Variants in GBF1 observed in about 807,000 individuals in gnomAD.
GBF1 encodes the protein golgi brefeldin A resistant guanine nucleotide exchange factor 1, also known as Golgi-specific brefeldin A-resistance guanine nucleotide exchange factor 1.
GBF1 carries 114 observed loss-of-function variants against 210.5 expected under a neutral mutation model. That is an observed-to-expected ratio of 0.54 (90% CI 0.47 to 0.63). The LOEUF is 0.63. Ranked by LOEUF, GBF1 falls within the 30% of genes least tolerant of loss-of-function variation. GBF1 has a pLI of 0.00. For synonymous variants in GBF1, 850 were observed against 889.2 expected (o/e 0.96, Z 0.78); for missense variants, 1,851 against 2,357.7 (o/e 0.79, Z 4.45).
chr10:102,358,523 G>C lies in GBF1; in HGVS notation c.805G>C (p.Asp269His). 1.9e-6 allele frequency: 3 copies of C among 1,613,304 alleles called. No homozygotes were observed. Among genetic ancestry groups the C allele is most frequent in the Non-Finnish European group, 2.5e-6 (3 of 1,179,302 alleles). ...SNLTGGMPFI[D>H]VPTPISSASS... ...CTTGGCAGGTGGCATGCCCTTCATT[G>C]ATGTGCCCACTCCCATCTCCTCTGC... The change falls in exon 10 of 40, where the codon GAT (aspartate) becomes CAT (histidine). Residue 269 changes from aspartate to histidine, a missense_variant. Coordinates refer to ENST00000369983, the MANE Select transcript of GBF1 (RefSeq NM_001377137.1).
the GBF1 span, chr10:102,231,153 T>C: frequency 4.8e-6 from 7 of 1,457,176 alleles, no homozygotes; most frequent in Non-Finnish European, 6.3e-6. Flanking sequence ...TCCCAGCGGC[T>C]GAAGGGCGGG....
chr10:102,332,725 TCTA>T (rs1466626579), intron 3 of GBF1, among the ~76,000 whole-genome samples: 1 of 152,182 alleles, frequency 6.6e-6, no homozygotes, highest in African/African-American at 2.4e-5. Flanking sequence ...ACCATTATCT[TCTA>T]CTGCTGGCCC....
intron 3 of GBF1, among the ~76,000 whole-genome samples, chr10:102,301,749 C>T (rs1189693248): frequency 1.3e-5 from 2 of 151,982 alleles, no homozygotes; most frequent in African/African-American, 4.8e-5. Context: ...GACGGGATGG[C>T]GGCCGGGAAG....
chr10:102,253,035 C>T (rs186591118), intron 1 of GBF1, among the ~76,000 whole-genome samples: 272 of 152,230 alleles, frequency 1.8e-3, no homozygotes, highest in Non-Finnish European at 3.4e-3. Context: ...GCTGGGATTA[C>T]AGGCCCCTGC....
At chr10:102,253,066 T>G (rs1441644537) in intron 1 of GBF1, among the ~76,000 whole-genome samples, 1 of 152,058 alleles carries the variant, frequency 6.6e-6, no homozygotes, top group African/African-American at 2.4e-5. Flanking sequence ...AGCTAATTTT[T>G]GTATTTTTAG....
At chr10:102,250,194 T>G (rs1437256982) in intron 1 of GBF1, among the ~76,000 whole-genome samples, 4 of 152,112 alleles carry the variant, frequency 2.6e-5, no homozygotes, top group Non-Finnish European at 5.9e-5. Flanking sequence ...GCTAGTTGGA[T>G]AAGAATAATT....
At chr10:102,364,039 A>G (rs565998142) in intron 17 of GBF1, among the ~76,000 whole-genome samples, 1 of 152,180 alleles carries the variant, frequency 6.6e-6, no homozygotes, top group East Asian at 1.9e-4. Flanking sequence ...TTGAGAGCCA[A>G]GTGTCACTAG....
At chr10:102,380,758 A>G (rs907130907) in intron 38 of GBF1, 72 bp downstream of exon 38, 1 of 1,301,158 alleles carries the variant, frequency 7.7e-7, no homozygotes. Flanking sequence ...CTCTAATCCC[A>G]GCACTTTGAG....
At chr10:102,360,092 T>G in intron 11 of GBF1, 92 bp from the exon 12 acceptor site, 1 of 808,964 alleles carries the variant, frequency 1.2e-6, no homozygotes, top group Non-Finnish European at 2.2e-6. Context: ...ATCACTTACC[T>G]AAAATTGCCT....
chr10:102,366,570 TC>T lies in GBF1; in HGVS notation c.2433+66del. On this transcript the variant is annotated intron_variant, in intron 19 of 39. Coordinates refer to ENST00000369983, the MANE Select transcript of GBF1 (RefSeq NM_001377137.1). The surrounding 1 kb of genome is among the most constrained non-coding windows in gnomAD (Gnocchi z 4.0). Reference sequence around the variant, plus strand: ...GTCAGTTTGACTGAGGGCTGAAGAATCCAGCTGCTGTCTCTTTTTTTTTTTT... The same window carrying T: ...GTCAGTTTGACTGAGGGCTGAAGAATCAGCTGCTGTCTCTTTTTTTTTTTT... 8.5e-7 allele frequency: 1 copy of T among 1,183,058 alleles called. No individual in the cohort carries two copies. The highest frequency in any genetic ancestry group is 1.2e-6 in the Non-Finnish European group (1 of 823,078). 73.3% of individuals were successfully genotyped at this position (1,183,058 alleles called of 1,614,324 possible).
chr10:102,273,372 A>G (rs971324588), intron 3 of GBF1, among the ~76,000 whole-genome samples: 6 of 152,194 alleles, frequency 3.9e-5, no homozygotes, highest in Admixed American at 3.9e-4. Context: ...AAAAGAAATT[A>G]TCAGTGTATC....
At chr10:102,274,437 T>C (rs1386881951) in intron 3 of GBF1, among the ~76,000 whole-genome samples, 1 of 151,964 alleles carries the variant, frequency 6.6e-6, no homozygotes, top group Non-Finnish European at 1.5e-5. Flanking sequence ...AGTTGATTAG[T>C]CTATTAAAAA....
At chr10:102,301,520 C>G (rs1190637439) in intron 3 of GBF1, among the ~76,000 whole-genome samples, 1 of 152,036 alleles carries the variant, frequency 6.6e-6, no homozygotes, top group African/African-American at 2.4e-5. Flanking sequence ...GGGCGGCTGC[C>G]GGGCGGAGGG....
intron 3 of GBF1, among the ~76,000 whole-genome samples, chr10:102,307,817 A>C (rs1400042918): frequency 6.6e-6 from 1 of 152,074 alleles, no homozygotes; most frequent in Admixed American, 6.6e-5. Context: ...AAAACAAAAA[A>C]TCAGATTTCC....
chr10:102,274,968 T>G (rs951270359), intron 3 of GBF1, among the ~76,000 whole-genome samples: 1 of 151,208 alleles, frequency 6.6e-6, no homozygotes, highest in Non-Finnish European at 1.5e-5. Flanking sequence ...CGCCTTGGCC[T>G]CCCAAAGTGC....
At chr10:102,273,133 G>T (rs2074600493) in intron 3 of GBF1, among the ~76,000 whole-genome samples, 1 of 152,156 alleles carries the variant, frequency 6.6e-6, no homozygotes, top group African/African-American at 2.4e-5. Flanking sequence ...ATGAGGTCAG[G>T]AGTTTGAGAC....
rs568068401 is a variant in GBF1 at position 102,380,342 on chromosome 10, G to A, written c.4972G>A (p.Ala1658Thr). 8.7e-6 allele frequency: 14 copies of A among 1,612,404 alleles called. No individual in the cohort carries two copies. Among genetic ancestry groups the A allele is most frequent in the East Asian group, 2.2e-5 (1 of 44,868 alleles). The change falls in exon 37 of 40, where the codon GCA becomes ACA. Residue 1658 changes from alanine (A) to threonine (T), a missense_variant. Physicochemically the swap from Ala to Thr is moderately conservative, Grantham distance 58. This residue lies in a region of GBF1 where 967 missense variants were observed against 1,247.7 expected (regional missense o/e 0.78). Transcript: ENST00000369983. Reference sequence around the variant, plus strand: ...GGACTTCATGGACAAGTACATGCACGCAGGCTCCAGCGACTTACTGGTATG... The same window carrying A: ...GGACTTCATGGACAAGTACATGCACACAGGCTCCAGCGACTTACTGGTATG... ...ILDFMDKYMH[A>T]GSSDLLSEAI... is the part of the protein sequence containing the mutation.
intron 1 of GBF1, among the ~76,000 whole-genome samples, chr10:102,257,436 G>C (rs1490329022): frequency 6.6e-6 from 1 of 151,644 alleles, no homozygotes; most frequent in Non-Finnish European, 1.5e-5. Context: ...AGCCTCCCCA[G>C]TAACTAGAAC....
At chr10:102,343,032 C>G (rs1024548517) in intron 3 of GBF1, among the ~76,000 whole-genome samples, 1 of 152,082 alleles carries the variant, frequency 6.6e-6, no homozygotes, top group East Asian at 1.9e-4. Flanking sequence ...CTTATCTGAG[C>G]CTTTTCTCAT....
Sources: gnomAD v4.1 joint callset for allele counts (sites outside exome capture counted in the v4.1 genomes callset) on GRCh38, gnomAD v4.1.1 for gene constraint, gnomAD v4.1.1 regional missense constraint, Gnocchi (gnomAD v3.1) non-coding constraint, MANE v1.5 for transcripts, NCBI Gene and HGNC (gene_info 2026-07-23, HGNC 2026-07-21) for gene names.